Variants in ARAP2 observed in about 807,000 individuals in gnomAD.
The protein encoded by ARAP2 is ArfGAP with RhoGAP domain, ankyrin repeat and PH domain 2.
In ARAP2, 148 loss-of-function variants were observed where a neutral mutation model predicts 194.5. That is an observed-to-expected ratio of 0.76 (90% confidence interval 0.67 to 0.87). The LOEUF (loss-of-function observed/expected upper bound fraction) is 0.87, where lower values mean the gene tolerates loss of function less well. Ranked by LOEUF, ARAP2 falls within the 40% of genes least tolerant of loss-of-function variation. The probability of loss-of-function intolerance (pLI) is 0.00; values close to 1 mark genes in which losing one functional copy is unlikely to be tolerated. For missense variants in ARAP2, 2,128 were observed against 1,989.7 expected (o/e 1.07, Z -1.32); for synonymous variants, 695 against 683.5 (o/e 1.02, Z -0.26).
intron 5 of ARAP2, among the ~76,000 whole-genome samples, chr4:36,040,960 GTGGCCTGTTGTAGA>G (rs1720766539): frequency 6.6e-6 from 1 of 152,006 alleles, no homozygotes; most frequent in Non-Finnish European, 1.5e-5. Flanking sequence ...GGTATTGGCC[GTGGCCTGTTGTAGA>G]TGGCTCTTAT....
downstream of ARAP2, among the ~76,000 whole-genome samples, chr4:36,061,972 T>G (rs1023413861): frequency 1.3e-5 from 2 of 152,228 alleles, no homozygotes; most frequent in African/African-American, 2.4e-5. Flanking sequence ...TATTCAAATC[T>G]TTGCCAACTT....
chr4:36,065,778 C>T (rs1725306680), downstream of ARAP2: 1 of 152,622 alleles, frequency 6.6e-6, no homozygotes, highest in Admixed American at 6.5e-5. Flanking sequence ...TGGTCAGCAG[C>T]TTCTCGTCAA....
At chr4:36,195,817 T>A (rs1220157151) in intron 6 of ARAP2, among the ~76,000 whole-genome samples, 1 of 152,238 alleles carries the variant, frequency 6.6e-6, no homozygotes, top group Non-Finnish European at 1.5e-5. Context: ...ACACAACCTC[T>A]AATTTTATAT....
chr4:36,128,438 T>G lies in ARAP2; in HGVS notation c.3640+95A>C, dbSNP rs558871921. The stretch of plus-strand genomic sequence containing the variant: ...CAGCTTATCAAAGATGTTTAAAGTC[T>G]AAGTATTAAAAGGCAAGCATGTATT... On this transcript the variant is annotated intron_variant, in intron 21 of 32. Coordinates refer to ENST00000303965, the MANE Select transcript of ARAP2 (RefSeq NM_015230.4). The G allele has an allele frequency of 7.5e-5, 69 of 923,686 alleles. No individual in the cohort carries two copies. In the African/African-American group the frequency reaches 1.1e-3, roughly 15 times the overall value. 57.2% of individuals were successfully genotyped at this position (923,686 alleles called of 1,614,324 possible).
intron 32 of ARAP2, among the ~76,000 whole-genome samples, chr4:36,072,116 A>C (rs1341227217): frequency 6.6e-6 from 1 of 152,058 alleles, no homozygotes; most frequent in Non-Finnish European, 1.5e-5. Context: ...TTTTTAAAAA[A>C]ATTTCTATTA....
Position 36,191,745 on chromosome 4 carries a change from T to G in ARAP2, c.1557+1833A>C, listed in dbSNP as rs531870833. On this transcript the variant is annotated intron_variant, in intron 7 of 32. Coordinates refer to ENST00000303965, the MANE Select transcript of ARAP2 (RefSeq NM_015230.4). ...AACACACAGGTATCTAGGGCAAGCC[T>G]GTCATTTATCTACCAATTTGAGACA... Among the ~76,000 whole-genome samples, 3 of 152,244 alleles carry G rather than the reference T, an allele frequency of 2.0e-5. No individual in the cohort carries two copies. The South Asian group carries it at 6.2e-4, about 32-fold the overall frequency.
intron 5 of ARAP2, among the ~76,000 whole-genome samples, chr4:36,030,858 G>A (rs1007708491): frequency 1.4e-5 from 2 of 140,644 alleles, no homozygotes; most frequent in Non-Finnish European, 1.5e-5. Flanking sequence ...CTGGCTGGGT[G>A]TGTTGGTTCA....
At chr4:36,034,476 T>C (rs941636673) in intron 5 of ARAP2, among the ~76,000 whole-genome samples, 6 of 152,166 alleles carry the variant, frequency 3.9e-5, no homozygotes, top group East Asian at 1.9e-4. Flanking sequence ...ATGCTAGTGA[T>C]TTTTGTATAT....
chr4:36,239,380 T>TATGAATGG (rs139805484), intron 1 of ARAP2, among the ~76,000 whole-genome samples: 7,614 of 152,196 alleles, frequency 0.05, 417 homozygotes, highest in African/African-American at 0.14. Flanking sequence ...CCCAGATATC[T>TATGAATGG]ATGAATGGAT....
At chr4:36,135,234 G>A (rs1726399354) in intron 19 of ARAP2, among the ~76,000 whole-genome samples, 1 of 151,726 alleles carries the variant, frequency 6.6e-6, no homozygotes, top group African/African-American at 2.4e-5. Flanking sequence ...GAATTCTGGG[G>A]CTTTGGGGGC....
intron 5 of ARAP2, among the ~76,000 whole-genome samples, chr4:36,042,846 C>CTTCTT (rs1553875218): frequency 8.0e-6 from 1 of 124,626 alleles, no homozygotes. Flanking sequence ...TTTTTTTCTT[C>CTTCTT]TTTTTTTTTT....
At chr4:36,084,707 G>A (rs567209557) in intron 28 of ARAP2, among the ~76,000 whole-genome samples, 11 of 152,118 alleles carry the variant, frequency 7.2e-5, no homozygotes, top group Non-Finnish European at 1.3e-4. Flanking sequence ...AAGCAAATAG[G>A]TTAGGAGGAT....
At chr4:36,025,453 C>T (rs1717738518) in intron 5 of ARAP2, among the ~76,000 whole-genome samples, 1 of 152,120 alleles carries the variant, frequency 6.6e-6, no homozygotes, top group Non-Finnish European at 1.5e-5. Flanking sequence ...AGCTGAATCA[C>T]CTCCTGTCTC....
At position 36,148,488 on chromosome 4, in the gene ARAP2, T is replaced by A. The variant is rs1730171867; in HGVS notation, c.2917A>T (p.Ile973Phe). The change falls in exon 17 of 33, where the codon ATC (isoleucine) becomes TTC (phenylalanine). Residue 973 changes from isoleucine to phenylalanine, a missense_variant. Physicochemically the swap from Ile to Phe is conservative, Grantham distance 21 (BLOSUM62 0). Coordinates refer to ENST00000303965, the MANE Select transcript of ARAP2 (RefSeq NM_015230.4). ...LNTGPIFIFEIYLPSERVFLF... is the reference protein window; with the variant it reads ...LNTGPIFIFEFYLPSERVFLF... ...AACACACGTTCGGAGGGTAAGTAGATCTCAAAGATAAAGATGGGCCTAAAA... is the reference window on the plus strand; with the variant it reads ...AACACACGTTCGGAGGGTAAGTAGAACTCAAAGATAAAGATGGGCCTAAAA... 1.9e-6 allele frequency: 3 copies of A among 1,612,900 alleles called. No homozygotes were observed. The highest frequency in any genetic ancestry group is 2.5e-6 in the Non-Finnish European group (3 of 1,179,240).
Position 36,133,362 on chromosome 4 carries a change from C to G in ARAP2, c.3291G>C (p.Lys1097Asn). Residue 1097 changes from lysine to asparagine, a missense_variant, in exon 20 of 33, where the codon AAG (lysine) becomes AAC (asparagine). By Grantham distance (94) the Lys-to-Asn change is moderately conservative. Transcript: ENST00000303965. ...CAGTATGCCAGACTGTGAAATCCAA[C>G]TTGGTATGCCCATGGATGTATAATG... Reference protein sequence around the residue: ...GRTLYIHGHTKLDFTVWHTAI... With the variant: ...GRTLYIHGHTNLDFTVWHTAI... 6.2e-7 allele frequency: 1 copy of G among 1,610,932 alleles called. No individual in the cohort carries two copies. Among genetic ancestry groups the G allele is most frequent in the Non-Finnish European group, 8.5e-7 (1 of 1,178,010 alleles).
intron 2 of ARAP2, among the ~76,000 whole-genome samples, chr4:36,226,554 T>C (rs1750354373): frequency 6.6e-6 from 1 of 151,980 alleles, no homozygotes; most frequent in Middle Eastern, 3.2e-3. Flanking sequence ...CTTACTGCTC[T>C]TTTTGCAATT....
At chr4:36,113,455 A>G (rs959479912) in intron 26 of ARAP2, among the ~76,000 whole-genome samples, 2 of 152,000 alleles carry the variant, frequency 1.3e-5, no homozygotes, top group Admixed American at 1.3e-4. Context: ...GGTATTTTAA[A>G]CATTGAATTT....
chr4:36,202,115 C>A (rs866814603), intron 6 of ARAP2, among the ~76,000 whole-genome samples: 1 of 152,080 alleles, frequency 6.6e-6, no homozygotes, highest in Non-Finnish European at 1.5e-5. Flanking sequence ...TTATGTTATT[C>A]CCTCCTCTAA....
chr4:36,188,946 T>A (rs961210281), intron 7 of ARAP2, among the ~76,000 whole-genome samples: 2 of 152,204 alleles, frequency 1.3e-5, no homozygotes, highest in African/African-American at 4.8e-5. Context: ...TCTCTGAGTA[T>A]TTTTTAAGTT....
Sources: allele counts gnomAD v4.1 joint callset (sites outside exome capture counted in the v4.1 genomes callset), GRCh38; gene constraint gnomAD v4.1.1; transcripts MANE v1.5; gene names NCBI Gene and HGNC (gene_info 2026-07-23, HGNC 2026-07-21).